Variants in SLC22A25 observed in about 807,000 individuals in gnomAD.
SLC22A25 encodes the protein MGI:2442751, MGI:2385316, MGI:3042283, MGI:3645714, MGI:3605624, MGI:2442750.
A neutral mutation model predicts 45.9 loss-of-function variants in SLC22A25; 44 were observed. The observed-to-expected ratio is 0.96, with a 90% CI of 0.75 to 1.23. SLC22A25 has a LOEUF of 1.23. Ranked by LOEUF, SLC22A25 falls within the 50% of genes most tolerant of loss-of-function variation. SLC22A25 has a pLI of 0.00. For missense variants in SLC22A25, 800 were observed against 666.4 expected, an observed-to-expected ratio of 1.20 and a Z score of -2.21; for synonymous variants, 283 against 238.6, an observed-to-expected ratio of 1.19 and a Z score of -1.72.
rs2087589333 is a variant in SLC22A25 at position 63,163,959 on chromosome 11, G to C, written c.1509C>G (p.Val503=). The change falls in exon 12 of 12, where the codon GTC becomes GTG. Residue 503 remains valine, a synonymous_variant. Transcript: ENST00000306494. ...CAACAAGGCCAGAGAGGATGGCAAA[G>C]ACTCCATAGATGATCCAGGGCAGGG... is the stretch of plus-strand genomic sequence containing the variant. ...SRPLPWIIYG[V]FAILSGLVVL... 1 of 1,613,836 alleles carries C rather than the reference G, an allele frequency of 6.2e-7. No homozygotes were observed. The highest frequency in any genetic ancestry group is 1.3e-5 in the African/African-American group (1 of 74,882).
chr11:63,172,024 G>C (rs773848926), intron 9 of SLC22A25, among the ~76,000 whole-genome samples: 14 of 152,106 alleles, frequency 9.2e-5, no homozygotes, highest in Non-Finnish European at 2.1e-4. Context: ...TGACAAACCT[G>C]ACACAAATGA....
intron 7 of SLC22A25, among the ~76,000 whole-genome samples, chr11:63,205,772 GAATAAAAGGGACTCTTCCCAAACTCATTT>G (rs1352677708): frequency 1.3e-5 from 2 of 152,190 alleles, no homozygotes; most frequent in East Asian, 3.9e-4. Flanking sequence ...CCAAACAACA[GAATAAAAGGGACTCTTCCCAAACTCATTT>G]TATGAGGCCA....
chr11:63,170,970 T>G (rs1434254002), intron 9 of SLC22A25, among the ~76,000 whole-genome samples: 2 of 152,066 alleles, frequency 1.3e-5, no homozygotes, highest in Non-Finnish European at 2.9e-5. Context: ...CCACCACGAT[T>G]AAGTAGGCTT....
Position 63,166,194 on chromosome 11 carries a change from A to G in SLC22A25, c.1135T>C (p.Phe379Leu). 6.2e-7 allele frequency: 1 copy of G among 1,613,932 alleles called. No homozygotes were observed. Among genetic ancestry groups the G allele is most frequent in the Admixed American group, 1.7e-5 (1 of 60,000 alleles). ...LHLQHLGNNV[F>L]LLQTLFGAVT... is the part of the protein sequence containing the mutation. ...GCACCAAAGAGAGTCTGCAACAGGA[A>G]AACATTGTTTCCCAGATGCTGGAGG... is the stretch of plus-strand genomic sequence containing the variant. Residue 379 changes from phenylalanine to leucine, a missense_variant, in exon 10 of 12, where the codon TTC (phenylalanine) becomes CTC (leucine). Phe to Leu is a conservative substitution (Grantham distance 22). Transcript: ENST00000306494.
At chr11:63,178,450 C>G (rs181768507) in intron 9 of SLC22A25, among the ~76,000 whole-genome samples, 1 of 151,094 alleles carries the variant, frequency 6.6e-6, no homozygotes, top group East Asian at 1.9e-4. Flanking sequence ...GTGCAAACAT[C>G]CCCCTCTATA....
chr11:63,236,675 G>C (rs1031347849), intron 3 of SLC22A25, among the ~76,000 whole-genome samples: 5 of 152,114 alleles, frequency 3.3e-5, no homozygotes, highest in East Asian at 1.9e-4. Flanking sequence ...CGCACCCACT[G>C]TCTGGCACTC....
chr11:63,182,205 C>G (rs1216236890), intron 8 of SLC22A25, among the ~76,000 whole-genome samples: 6 of 152,070 alleles, frequency 3.9e-5, no homozygotes. Context: ...ACCAATTGCT[C>G]TTTTTGAGCA....
At position 63,217,722 on chromosome 11, in the gene SLC22A25, A is replaced by T; in HGVS notation, c.520T>A (p.Phe174Ile). The T allele has an allele frequency of 6.2e-7, 1 of 1,607,538 alleles. No individual in the cohort carries two copies. Among genetic ancestry groups the T allele is most frequent in the Non-Finnish European group, 8.5e-7 (1 of 1,178,356 alleles). Residue 174 changes from phenylalanine (F) to isoleucine (I), a missense_variant, in exon 6 of 12, where the codon TTC becomes ATC. Physicochemically the swap from Phe to Ile is conservative, Grantham distance 21. Coordinates refer to ENST00000306494, the MANE Select transcript of SLC22A25 (RefSeq NM_199352.6). ...GHLSDRFGRKFVLRWSYLQLA... is the reference protein window; with the variant it reads ...GHLSDRFGRKIVLRWSYLQLA... ...TGGAGGTAAGACCATCTGAGCACGA[A>T]CTTTCTCCCAAACCTGAGAAACAGG... is the stretch of plus-strand genomic sequence containing the variant.
At position 63,229,772 on chromosome 11, in the gene SLC22A25, C is replaced by G; in HGVS notation, c.-120G>C. On this transcript the variant is annotated 5_prime_UTR_variant, in exon 4 of 12. Coordinates refer to ENST00000306494, the MANE Select transcript of SLC22A25 (RefSeq NM_199352.6). Reference sequence around the variant, plus strand: ...TGTGTGTGTTGATCCTGACCCCACTCTCTTCTTAATGGGCCCTCTCTCCCA... The same window carrying G: ...TGTGTGTGTTGATCCTGACCCCACTGTCTTCTTAATGGGCCCTCTCTCCCA... 9.5e-7 allele frequency: 1 copy of G among 1,049,620 alleles called. No homozygotes were observed. Among genetic ancestry groups the G allele is most frequent in the Non-Finnish European group, 1.3e-6 (1 of 764,604 alleles). 65.0% of individuals were successfully genotyped at this position (1,049,620 alleles called of 1,614,324 possible).
intron 5 of SLC22A25, among the ~76,000 whole-genome samples, chr11:63,222,819 G>GA (rs2089881983): frequency 7.8e-6 from 1 of 128,516 alleles, no homozygotes; most frequent in Admixed American, 8.3e-5. Flanking sequence ...TTTTTTTTGA[G>GA]AGTTTTTTTT....
rs1161534457 is a variant in SLC22A25 at position 63,163,437 on chromosome 11, G to A, written c.*387C>T. On this transcript the variant is annotated 3_prime_UTR_variant, in exon 12 of 12. Coordinates refer to ENST00000306494, the MANE Select transcript of SLC22A25 (RefSeq NM_199352.6). ...TATACAGTCTCTCACAAATTCTTCA[G>A]TGTCCTGGGAGTCAGGCCTGTAAGC... 6.6e-6 allele frequency among the ~76,000 whole-genome samples: 1 copy of A among 152,106 alleles called. No individual in the cohort carries two copies. Among genetic ancestry groups the A allele is most frequent in the Non-Finnish European group, 1.5e-5 (1 of 68,040 alleles).
In SLC22A25 at chr11:63,158,826, A is replaced by G. The variant is rs2134698283; in HGVS notation, c.*4998T>C. 6.6e-6 allele frequency among the ~76,000 whole-genome samples: 1 copy of G among 152,310 alleles called. No homozygotes were observed. Among genetic ancestry groups the G allele is most frequent in the East Asian group, 1.9e-4 (1 of 5,188 alleles). Reference sequence around the variant, plus strand: ...TTGACTATAGTCATCCTGTTGTGCTATCAAATAGTAGATCTTATTCATTCT... The same window carrying G: ...TTGACTATAGTCATCCTGTTGTGCTGTCAAATAGTAGATCTTATTCATTCT... On this transcript the variant is annotated 3_prime_UTR_variant, in exon 12 of 12. Transcript: ENST00000306494.
intron 7 of SLC22A25, among the ~76,000 whole-genome samples, chr11:63,187,409 T>C (rs1338890974): frequency 6.6e-6 from 1 of 152,216 alleles, no homozygotes; most frequent in Non-Finnish European, 1.5e-5. Flanking sequence ...TCCTGAGACT[T>C]TGCTGAAGTT....
intron 8 of SLC22A25, 101 bp from the exon 9 acceptor site, chr11:63,180,876 C>T (rs867535750): frequency 4.0e-6 from 3 of 748,500 alleles, no homozygotes; most frequent in East Asian, 5.2e-5. Context: ...GATGACATCC[C>T]TTTCTGTCTA....
chr11:63,192,123 C>CTAA (rs2088837671), intron 7 of SLC22A25, among the ~76,000 whole-genome samples: 1 of 152,134 alleles, frequency 6.6e-6, no homozygotes, highest in Non-Finnish European at 1.5e-5. Flanking sequence ...GCCCATTGGA[C>CTAA]TAATAGTGGG....
intron 5 of SLC22A25, among the ~76,000 whole-genome samples, chr11:63,220,814 T>G (rs1203661208): frequency 6.6e-6 from 1 of 152,156 alleles, no homozygotes; most frequent in Non-Finnish European, 1.5e-5. Flanking sequence ...CATTTTACTC[T>G]CTATGTCCAT....
rs1463877176 is a variant in SLC22A25 at position 63,237,915 on chromosome 11, G to C, written c.-479C>G. ...GATCTTTGAACAGAGATGCTCATCT[G>C]TCTGATAAATGGCCATATTGGATGC... On this transcript the variant is annotated 5_prime_UTR_variant, in exon 3 of 12. Transcript: ENST00000306494. 6.6e-6 allele frequency: 1 copy of C among 152,212 alleles called. No homozygotes were observed. The highest frequency in any genetic ancestry group is 1.5e-5 in the Non-Finnish European group (1 of 68,040). The allele number at this position is 152,212 out of a possible 1,614,324, so 9.4% of individuals were successfully genotyped here. A position where few individuals can be genotyped will look rare whatever the true frequency, so the allele number is the denominator to read the frequency against.
At chr11:63,195,224 G>A (rs935996280) in intron 7 of SLC22A25, among the ~76,000 whole-genome samples, 3 of 152,050 alleles carry the variant, frequency 2.0e-5, no homozygotes, top group Non-Finnish European at 2.9e-5. Context: ...GGATATACAG[G>A]AACTAAACTC....
At chr11:63,186,956 T>C (rs1199934422) in intron 7 of SLC22A25, among the ~76,000 whole-genome samples, 1 of 152,194 alleles carries the variant, frequency 6.6e-6, no homozygotes, top group South Asian at 2.1e-4. Context: ...AGCCTTGTAG[T>C]AGAGTTTGAA....
Sources: allele counts gnomAD v4.1 joint callset (sites outside exome capture counted in the v4.1 genomes callset), GRCh38; gene constraint gnomAD v4.1.1; transcripts MANE v1.5; gene names NCBI Gene and HGNC (gene_info 2026-07-23, HGNC 2026-07-21).